CERS4: variants seen among roughly 807,000 people sequenced by gnomAD.
CERS4 encodes ceramide synthase 4.
Under a neutral mutation model 51.8 loss-of-function variants are expected in CERS4, and 65 were observed. The ratio of observed to expected loss-of-function variants is 1.26; its 90% CI spans 1.03 to 1.54. The LOEUF (loss-of-function observed/expected upper bound fraction) is 1.54, where lower values mean the gene tolerates loss of function less well. CERS4 is among the 40% of genes most tolerant of loss of function. The probability of loss-of-function intolerance (pLI) is 0.00; values close to 1 mark genes in which losing one functional copy is unlikely to be tolerated. For synonymous variants in CERS4, 228 were observed against 208.4 expected (o/e 1.09, Z -0.81); for missense variants, 563 against 500.4 (o/e 1.13, Z -1.19).
chr19:8,252,522 T>C (rs1376219635), intron 3 of CERS4, among the ~76,000 whole-genome samples: 2 of 151,106 alleles, frequency 1.3e-5, no homozygotes, highest in Non-Finnish European at 2.9e-5. Context: ...CACTACAACC[T>C]CTGCCTCCCA....
At chr19:8,243,532 C>G (rs1968626936) in intron 2 of CERS4, among the ~76,000 whole-genome samples, 1 of 152,124 alleles carries the variant, frequency 6.6e-6, no homozygotes, top group Non-Finnish European at 1.5e-5. Context: ...TTCTAGTGCC[C>G]CTCCCCAACC....
intron 2 of CERS4, among the ~76,000 whole-genome samples, chr19:8,223,778 C>T (rs1967659067): frequency 6.6e-6 from 1 of 151,288 alleles, no homozygotes; most frequent in African/African-American, 2.4e-5. Flanking sequence ...AAAGCAAGAC[C>T]CTGTCTCAAA....
rs758577973 is a variant in CERS4, at chr19:8,261,830, A to C, written c.991A>C (p.Met331Leu). 1.9e-6 allele frequency: 3 copies of C among 1,614,142 alleles called. No individual in the cohort carries two copies. The highest frequency in any genetic ancestry group is 2.5e-6 in the Non-Finnish European group (3 of 1,180,016). Residue 331 changes from methionine to leucine, a missense_variant, in exon 11 of 12, where the codon ATG (methionine) becomes CTG (leucine). Met to Leu is a conservative substitution (Grantham distance 15). Transcript: ENST00000251363. ...CATTCTGCGCATGCTCTATAGCTTCATGAAGAAGGGCCAGGTATGGCTGGA... is the reference window on the plus strand; with the variant it reads ...CATTCTGCGCATGCTCTATAGCTTCCTGAAGAAGGGCCAGGTATGGCTGGA... ...CLILRMLYSF[M>L]KKGQMEKDIR...
At chr19:8,259,612 C>T (rs1969573985) in intron 10 of CERS4, among the ~76,000 whole-genome samples, 2 of 152,120 alleles carry the variant, frequency 1.3e-5, no homozygotes, top group South Asian at 4.1e-4. Flanking sequence ...AGTGGGCAGA[C>T]TTAAGGGGAT....
At chr19:8,245,122 A>AAAAAAAAAAAAAAAAAACAAAAAAAAAC (rs1968713804) in intron 2 of CERS4, among the ~76,000 whole-genome samples, 1 of 129,254 alleles carries the variant, frequency 7.7e-6, no homozygotes, top group Non-Finnish European at 1.6e-5. Context: ...AAAAAAAAAA[A>AAAAAAAAAAAAAAAAAACAAAAAAAAAC]AAAAAAAAAA....
intron 2 of CERS4, among the ~76,000 whole-genome samples, chr19:8,213,490 A>G (rs766504100): frequency 7.2e-5 from 11 of 152,104 alleles, no homozygotes; most frequent in Admixed American, 1.3e-4. Flanking sequence ...TTTTATACAC[A>G]TGGACAGGGG....
At chr19:8,245,922 A>AT (rs1185745352) in intron 2 of CERS4, among the ~76,000 whole-genome samples, 5 of 133,132 alleles carry the variant, frequency 3.8e-5, no homozygotes, top group Admixed American at 2.3e-4. Flanking sequence ...AAAAAAAAAA[A>AT]AAAAAGCTGG....
At chr19:8,248,561 G>C (rs1451310388) in intron 2 of CERS4, among the ~76,000 whole-genome samples, 1 of 151,896 alleles carries the variant, frequency 6.6e-6, no homozygotes, top group Non-Finnish European at 1.5e-5. Flanking sequence ...CAGATGTTTA[G>C]ATGGGTGGAC....
At chr19:8,250,922 CA>C in intron 2 of CERS4, 153 bp from the exon 3 acceptor site, 3 of 1,457,190 alleles carry the variant, frequency 2.1e-6, no homozygotes, top group Non-Finnish European at 1.8e-6. Flanking sequence ...AAGTCCCAGG[CA>C]AGGGGAGTTC....
intron 2 of CERS4, among the ~76,000 whole-genome samples, chr19:8,220,926 G>A (rs1476031911): frequency 4.0e-5 from 6 of 151,106 alleles, no homozygotes; most frequent in East Asian, 3.9e-4. Context: ...GGTTCATGCC[G>A]TTCTCCTGCC....
In CERS4 at chr19:8,221,873, T is replaced by G. The variant is rs567019978; in HGVS notation, c.-2+11011T>G. Among the ~76,000 whole-genome samples, 41 of 23,618 alleles carry G rather than the reference T, an allele frequency of 1.7e-3. 2 individuals carry two copies. The highest frequency in any genetic ancestry group is 2.0e-3 in the Non-Finnish European group (23 of 11,350). The allele number at this position is 23,618 out of a possible 152,430, so 15.5% of individuals were successfully genotyped here. On this transcript the variant is annotated intron_variant, in intron 2 of 11. Transcript: ENST00000251363. Reference sequence around the variant, plus strand: ...TTACTGACTTATTTATTTTTTTATGTTTTTTTTTTTTTTTTTTTTTTTTTT... The same window carrying G: ...TTACTGACTTATTTATTTTTTTATGGTTTTTTTTTTTTTTTTTTTTTTTTT...
At chr19:8,240,596 G>GTGTGTA (rs1968491703) in intron 2 of CERS4, 1 of 150,714 alleles carries the variant, frequency 6.6e-6, no homozygotes, top group Non-Finnish European at 1.5e-5. Context: ...GTGTGTGTGT[G>GTGTGTA]TGTGTGTGTG....
intron 2 of CERS4, among the ~76,000 whole-genome samples, chr19:8,213,546 G>A (rs1299393172): frequency 2.0e-5 from 3 of 151,984 alleles, no homozygotes; most frequent in Admixed American, 6.6e-5. Context: ...GGCCTCAAGC[G>A]AGCCTCCAGC....
At chr19:8,242,002 G>A (rs1968559908) in intron 2 of CERS4, among the ~76,000 whole-genome samples, 1 of 152,150 alleles carries the variant, frequency 6.6e-6, no homozygotes, top group Admixed American at 6.5e-5. Flanking sequence ...GTTGAGCCTT[G>A]CTGGCCTGAG....
At chr19:8,238,656 G>T (rs1349987938) in intron 2 of CERS4, 1 of 919,188 alleles carries the variant, frequency 1.1e-6, no homozygotes, top group African/African-American at 1.8e-5. Context: ...GTCCAGTATT[G>T]GTTGTAGGTT....
At position 8,210,441 on chromosome 19, in the gene CERS4, G is replaced by C. The variant is rs949027120; in HGVS notation, c.-158-265G>C. Among the ~76,000 whole-genome samples the C allele has an allele frequency of 1.3e-5, 2 of 152,240 alleles. No homozygotes were observed. Among genetic ancestry groups the C allele is most frequent in the African/African-American group, 4.8e-5 (2 of 41,522 alleles). ...GAAGAGGCTTTCATTGCTGGGTTGGGAGACTTGAGGAGAAGCTGCTCTGGG... is the reference window on the plus strand; with the variant it reads ...GAAGAGGCTTTCATTGCTGGGTTGGCAGACTTGAGGAGAAGCTGCTCTGGG... On this transcript the variant is annotated intron_variant, in intron 1 of 11. Coordinates refer to ENST00000251363, the MANE Select transcript of CERS4 (RefSeq NM_024552.3). This position sits in a 1 kb window ranked among gnomAD's most constrained non-coding sequence, Gnocchi z 4.2.
rs368000652 is a variant in CERS4, at chr19:8,256,219, C to T, written c.469-17C>T. 6.2e-7 allele frequency: 1 copy of T among 1,608,672 alleles called. No homozygotes were observed. The highest frequency in any genetic ancestry group is 1.3e-5 in the African/African-American group (1 of 74,850). On this transcript the variant is annotated splice_polypyrimidine_tract_variant and intron_variant, in intron 6 of 11. Transcript: ENST00000251363. ...GGATTCTCACCTCTGCACAGCCTGA[C>T]ACCCATTTCCCTGCAGGAGTCATGG...
chr19:8,254,322 CAAAAAAA>C (rs74176633), intron 3 of CERS4, among the ~76,000 whole-genome samples, 170 bp from the exon 4 acceptor site: 4 of 38,772 alleles, frequency 1.0e-4, no homozygotes, highest in African/African-American at 2.4e-4. Flanking sequence ...TACTCTGTCT[CAAAAAAA>C]AAAAAAAAAA....
chr19:8,218,574 GGCCTCGAAT>G (rs1967400941), intron 2 of CERS4, among the ~76,000 whole-genome samples: 1 of 152,148 alleles, frequency 6.6e-6, no homozygotes, highest in African/African-American at 2.4e-5. Flanking sequence ...AGGTCACAAA[GGCCTCGAAT>G]GCCAGGTCAG....
Sources: allele counts gnomAD v4.1 joint callset (sites outside exome capture counted in the v4.1 genomes callset), GRCh38; gene constraint gnomAD v4.1.1; non-coding constraint Gnocchi (gnomAD v3.1); transcripts MANE v1.5; gene names NCBI Gene and HGNC (gene_info 2026-07-23, HGNC 2026-07-21).